PARD3B: variants seen among roughly 807,000 people sequenced by gnomAD.
PARD3B encodes partitioning defective 3 homolog B.
Under a neutral mutation model 130.2 loss-of-function variants are expected in PARD3B, and 103 were observed. That is an observed-to-expected ratio of 0.79 (90% CI 0.67 to 0.93). The LOEUF is 0.93. Ranked by LOEUF, PARD3B falls within the 40% of genes least tolerant of loss-of-function variation. The probability of loss-of-function intolerance (pLI) is 0.00; values close to 1 mark genes in which losing one functional copy is unlikely to be tolerated. For synonymous variants in PARD3B, 583 were observed against 553.2 expected (o/e 1.05, Z -0.76); for missense variants, 1,609 against 1,499.2 (o/e 1.07, Z -1.21).
chr2:205,326,776 C>T, intron 18 of PARD3B, among the ~76,000 whole-genome samples: 1 of 152,106 alleles, frequency 6.6e-6, no homozygotes, highest in African/African-American at 2.4e-5. Context: ...TATTTGCTGT[C>T]ACATCCACCC....
chr2:205,550,978 C>CATATATATAT lies in PARD3B; in HGVS notation c.3181-2345_3181-2344insTATATATATA, dbSNP rs1559207188. Among the ~76,000 whole-genome samples the CATATATATAT allele has an allele frequency of 1.2e-4, 11 of 93,094 alleles. No individual in the cohort carries two copies. The highest frequency in any genetic ancestry group is 5.4e-4 in the African/African-American group (11 of 20,320). 61.1% of individuals were successfully genotyped at this position (93,094 alleles called of 152,430 possible). ...GTGTATATATATATATATATATATACACACACACACACACACACACACACA... is the reference window on the plus strand; with the variant it reads ...GTGTATATATATATATATATATATACATATATATATACACACACACACACACACACACACA... On this transcript the variant is annotated intron_variant, in intron 21 of 22. Coordinates refer to ENST00000406610, the MANE Select transcript of PARD3B (RefSeq NM_001302769.2). The surrounding 1 kb of genome is among the most constrained non-coding windows in gnomAD (Gnocchi z 4.5).
chr2:204,706,336 C>T (rs2038153065), intron 2 of PARD3B, among the ~76,000 whole-genome samples: 1 of 148,418 alleles, frequency 6.7e-6, no homozygotes, highest in African/African-American at 2.5e-5. Context: ...CACTGCACTC[C>T]AGCCTGGGCG....
chr2:205,110,900 G>A (rs747728197), intron 5 of PARD3B, among the ~76,000 whole-genome samples: 11 of 151,896 alleles, frequency 7.2e-5, no homozygotes, highest in East Asian at 1.9e-4. Flanking sequence ...GAGATATGTC[G>A]TCAAATAATT....
At chr2:204,762,062 A>T (rs1183835399) in intron 2 of PARD3B, among the ~76,000 whole-genome samples, 1 of 150,748 alleles carries the variant, frequency 6.6e-6, no homozygotes, top group African/African-American at 2.4e-5. Flanking sequence ...AAAAAATCAG[A>T]TAATGCTTAT....
rs975434044 is a variant in PARD3B at position 205,277,772 on chromosome 2, C to T, written c.2186-22758C>T. ...GTAAGATGAGTGAGAGAGGCCAGGT[C>T]AAGAAGGCCTTTGTAAATCATCCCG... On this transcript the variant is annotated intron_variant, in intron 16 of 22. Transcript: ENST00000406610. Among the ~76,000 whole-genome samples, 6 of 152,212 alleles carry T rather than the reference C, an allele frequency of 3.9e-5. No homozygotes were observed. The East Asian group carries it at 1.2e-3, about 30-fold the overall frequency.
intron 4 of PARD3B, 85 bp downstream of exon 4, chr2:205,047,775 A>G (rs752001862): frequency 1.2e-4 from 106 of 860,616 alleles, no homozygotes; most frequent in Non-Finnish European, 1.8e-4. Context: ...TTTTAAACAC[A>G]TTGATAACTA....
intron 1 of PARD3B, among the ~76,000 whole-genome samples, chr2:204,563,019 A>G (rs1172570824): frequency 6.6e-6 from 1 of 152,140 alleles, no homozygotes. Flanking sequence ...GTGGTTTAAA[A>G]CAAGAGAAAT....
intron 3 of PARD3B, among the ~76,000 whole-genome samples, chr2:204,990,672 C>A (rs1318500865): frequency 1.3e-5 from 2 of 151,912 alleles, no homozygotes; most frequent in Non-Finnish European, 2.9e-5. Context: ...ATATCTTGCC[C>A]CAGTTAATGA....
At chr2:204,781,793 C>G (rs2041841279) in intron 2 of PARD3B, among the ~76,000 whole-genome samples, 1 of 152,166 alleles carries the variant, frequency 6.6e-6, no homozygotes, top group African/African-American at 2.4e-5. Flanking sequence ...ATCATACATG[C>G]TCTTTGCATC....
chr2:205,521,054 A>ACTC lies in PARD3B; in HGVS notation c.3180+21024_3180+21026dup, dbSNP rs2051026370. On this transcript the variant is annotated intron_variant, in intron 21 of 22. Coordinates refer to ENST00000406610, the MANE Select transcript of PARD3B (RefSeq NM_001302769.2). ...ATTTATTTAAAATTTGGCACATATT[A>ACTC]CTCATCTTTCCTATGAAAGTTGTTA... Among the ~76,000 whole-genome samples, 4 of 151,354 alleles carry ACTC rather than the reference A, an allele frequency of 2.6e-5. No individual in the cohort carries two copies. In the Admixed American group the frequency reaches 2.6e-4, roughly 10 times the overall value.
rs2036659431 is a variant in PARD3B at position 204,678,469 on chromosome 2, C to T, written c.121-7712C>T. Among the ~76,000 whole-genome samples, 1 of 152,074 alleles carries T rather than the reference C, an allele frequency of 6.6e-6. No individual in the cohort carries two copies. Among genetic ancestry groups the T allele is most frequent in the African/African-American group, 2.4e-5 (1 of 41,390 alleles). The stretch of plus-strand genomic sequence containing the variant: ...ACACGGACTTGAAGGATGTTGAATG[C>T]AGAGGTTTTATTGACTGATGGAGGT... On this transcript the variant is annotated intron_variant, in intron 1 of 22. Coordinates refer to ENST00000406610, the MANE Select transcript of PARD3B (RefSeq NM_001302769.2). The surrounding 1 kb of genome is among the most constrained non-coding windows in gnomAD (Gnocchi z 4.2).
chr2:205,323,554 A>G (rs941997951), intron 18 of PARD3B, among the ~76,000 whole-genome samples: 1 of 152,174 alleles, frequency 6.6e-6, no homozygotes, highest in African/African-American at 2.4e-5. Context: ...GAAGCTAAGG[A>G]CCATTAGATA....
At chr2:205,203,408 A>G (rs901475487) in intron 15 of PARD3B, among the ~76,000 whole-genome samples, 2 of 146,824 alleles carry the variant, frequency 1.4e-5, no homozygotes, top group Non-Finnish European at 3.0e-5. Flanking sequence ...TTTTTTTACT[A>G]TACTTTTACT....
chr2:204,909,430 C>T (rs2047153107), intron 2 of PARD3B, among the ~76,000 whole-genome samples: 1 of 152,124 alleles, frequency 6.6e-6, no homozygotes, highest in Admixed American at 6.5e-5. Flanking sequence ...ATTTACTATT[C>T]ATCCTTGTCA....
chr2:204,636,201 C>G (rs537104789), intron 1 of PARD3B, among the ~76,000 whole-genome samples: 1 of 152,076 alleles, frequency 6.6e-6, no homozygotes, highest in East Asian at 1.9e-4. Context: ...TTTGATGATG[C>G]TTTATTTCTG....
Position 205,258,984 on chromosome 2 carries a change from T to C in PARD3B, c.2185+13162T>C, listed in dbSNP as rs2040199225. ...TTATACACTGCATTTTTGGCATGCA[T>C]ACCTAACAAAATCTAAAATTAGTCT... is the stretch of plus-strand genomic sequence containing the variant. On this transcript the variant is annotated intron_variant, in intron 16 of 22. Transcript: ENST00000406610. The surrounding 1 kb of genome is among the most constrained non-coding windows in gnomAD (Gnocchi z 4.9). Among the ~76,000 whole-genome samples the C allele has an allele frequency of 6.6e-6, 1 of 152,180 alleles. No individual in the cohort carries two copies. Among genetic ancestry groups the C allele is most frequent in the South Asian group, 2.1e-4 (1 of 4,826 alleles).
chr2:205,052,451 A>ATATATATATATATAGATAT (rs1491236980), intron 4 of PARD3B, among the ~76,000 whole-genome samples: 1 of 14,738 alleles, frequency 6.8e-5, no homozygotes. Context: ...ATATATATAT[A>ATATATATATATATAGATAT]AAATTAAAAA....
At chr2:204,622,251 G>A (rs958401823) in intron 1 of PARD3B, among the ~76,000 whole-genome samples, 1 of 152,182 alleles carries the variant, frequency 6.6e-6, no homozygotes, top group Non-Finnish European at 1.5e-5. Flanking sequence ...ATTTCTGTTG[G>A]TGGAAATCCT....
intron 3 of PARD3B, among the ~76,000 whole-genome samples, chr2:204,971,622 T>C (rs1355996872): frequency 1.4e-5 from 2 of 143,644 alleles, no homozygotes; most frequent in Non-Finnish European, 3.0e-5. Context: ...GGGAGTCTGT[T>C]TTTTTTTTCC....
Sources: allele counts gnomAD v4.1 joint callset (sites outside exome capture counted in the v4.1 genomes callset), GRCh38; gene constraint gnomAD v4.1.1; non-coding constraint Gnocchi (gnomAD v3.1); transcripts MANE v1.5; gene names NCBI Gene and HGNC (gene_info 2026-07-23, HGNC 2026-07-21).